The following STXBP5 variants were observed in gnomAD, a reference collection of about 807,000 sequenced individuals.
The protein encoded by STXBP5 is syntaxin-binding protein 5.
A neutral mutation model predicts 152.4 loss-of-function variants in STXBP5; 50 were observed. The ratio of observed to expected loss-of-function variants is 0.33; its 90% CI spans 0.26 to 0.42. STXBP5 has a LOEUF of 0.42. STXBP5 is among the 10% of genes least tolerant of loss of function. The pLI is 1.00. For missense variants in STXBP5, 1,167 were observed against 1,388.6 expected (o/e 0.84, Z 2.54); for synonymous variants, 492 against 494.7 (o/e 0.99, Z 0.07).
chr6:147,306,311 G>A (rs1422668112), intron 9 of STXBP5, among the ~76,000 whole-genome samples: 1 of 152,204 alleles, frequency 6.6e-6, no homozygotes, highest in East Asian at 1.9e-4. Context: ...ACAGTGAAAT[G>A]TGGTAATGCT....
At chr6:147,371,628 A>T (rs1375975934) in intron 25 of STXBP5, among the ~76,000 whole-genome samples, 1 of 152,150 alleles carries the variant, frequency 6.6e-6, no homozygotes, top group Non-Finnish European at 1.5e-5. Context: ...AGAAATTGAG[A>T]ATCAAATCCA....
intron 23 of STXBP5, among the ~76,000 whole-genome samples, chr6:147,362,780 T>C (rs1304053281): frequency 1.3e-5 from 2 of 152,358 alleles, no homozygotes; most frequent in South Asian, 2.1e-4. Flanking sequence ...CCAAATATTA[T>C]CATTTTGGCA....
intron 2 of STXBP5, among the ~76,000 whole-genome samples, chr6:147,213,211 A>T (rs755436096): frequency 1.3e-5 from 2 of 152,000 alleles, no homozygotes; most frequent in African/African-American, 4.8e-5. Context: ...TGTTGGATCA[A>T]TTTGGCTTTA....
chr6:147,284,500 AT>A (rs1206849708), intron 8 of STXBP5, among the ~76,000 whole-genome samples: 1 of 152,220 alleles, frequency 6.6e-6, no homozygotes, highest in Non-Finnish European at 1.5e-5. Context: ...AATATAATAC[AT>A]TGTGATAAGT....
In STXBP5 at chr6:147,384,725, A is replaced by G. The variant is rs373354596; in HGVS notation, c.3426A>G (p.Lys1142=). ...TTTTCCCCCTTTAGATTATGTTGAAATACAAAGATAAGAAGTGGTACCAGT... is the reference window on the plus strand; with the variant it reads ...TTTTCCCCCTTTAGATTATGTTGAAGTACAAAGATAAGAAGTGGTACCAGT... ...FSKHAHEIML[K]YKDKKWYQF The change falls in exon 28 of 28, where the codon AAA becomes AAG. Residue 1142 remains lysine, a synonymous_variant. Coordinates refer to ENST00000321680, the MANE Select transcript of STXBP5 (RefSeq NM_001127715.4). 3 of 1,612,114 alleles carry G rather than the reference A, an allele frequency of 1.9e-6. No homozygotes were observed. Among genetic ancestry groups the G allele is most frequent in the Non-Finnish European group, 2.5e-6 (3 of 1,178,966 alleles).
chr6:147,205,696 T>G (rs948617217), intron 1 of STXBP5, among the ~76,000 whole-genome samples: 1 of 152,196 alleles, frequency 6.6e-6, no homozygotes, highest in African/African-American at 2.4e-5. Context: ...TGTAGTAGTA[T>G]AGAATATTAA....
intron 2 of STXBP5, among the ~76,000 whole-genome samples, chr6:147,226,587 A>G (rs1777726765): frequency 6.6e-6 from 1 of 152,222 alleles, no homozygotes; most frequent in South Asian, 2.1e-4. Flanking sequence ...TATAATAAGC[A>G]AGGAGGGAAA....
intron 6 of STXBP5, among the ~76,000 whole-genome samples, chr6:147,265,949 G>A (rs146400990): frequency 3.9e-5 from 6 of 152,062 alleles, no homozygotes; most frequent in African/African-American, 9.6e-5. Context: ...AGCACATAGG[G>A]AGGGTATTGA....
rs796206547 is a variant in STXBP5, at chr6:147,311,198, G to A, written c.1073-257G>A. Among the ~76,000 whole-genome samples the A allele has an allele frequency of 3.2e-4, 49 of 152,192 alleles. 1 individual carries two copies. Among genetic ancestry groups the A allele is most frequent in the African/African-American group, 1.2e-3 (48 of 41,536 alleles). ...TAAATTTTAGTTTTGTTGTCCATGT[G>A]CAGCTTTGAAATTTGCAATGCCATA... is the stretch of plus-strand genomic sequence containing the variant. On this transcript the variant is annotated intron_variant, in intron 10 of 27. Transcript: ENST00000321680.
At position 147,389,700 on chromosome 6, in the gene STXBP5, TTTAC is replaced by T. The variant is rs1415625762; in HGVS notation, c.*4948_*4951del. 8.6e-5 allele frequency: 13 copies of T among 151,974 alleles called. No individual in the cohort carries two copies. The highest frequency in any genetic ancestry group is 3.1e-4 in the African/African-American group (13 of 41,440). 9.4% of individuals were successfully genotyped at this position (151,974 alleles called of 1,614,324 possible). On this transcript the variant is annotated 3_prime_UTR_variant, in exon 28 of 28. Transcript: ENST00000321680. ...AGTTGGTTTTGTTTGTTTTTGTTTA[TTTAC>T]TTTTGCTATTTGTTTTGTATTGTCT...
intron 16 of STXBP5, among the ~76,000 whole-genome samples, chr6:147,324,180 T>A (rs1199538955): frequency 6.6e-6 from 1 of 152,090 alleles, no homozygotes; most frequent in Admixed American, 6.5e-5. Flanking sequence ...CTCATATTTG[T>A]TGTAACTCAT....
chr6:147,315,627 G>A lies in STXBP5; in HGVS notation c.1515G>A (p.Gln505=), dbSNP rs756361374. 5.6e-6 allele frequency: 9 copies of A among 1,613,946 alleles called. No homozygotes were observed. The highest frequency in any genetic ancestry group is 2.2e-5 in the East Asian group (1 of 44,834). ...DIVDEDPYAI[Q]IISWCPESRM... ...TAGATGAAGATCCATATGCCATTCA[G>A]ATCATCTCCTGGTGTCCAGAAAGTA... The change falls in exon 15 of 28, where the codon CAG becomes CAA. Residue 505 remains glutamine, a synonymous_variant. Transcript: ENST00000321680.
chr6:147,272,591 A>G (rs1406695410), intron 7 of STXBP5, among the ~76,000 whole-genome samples: 1 of 152,152 alleles, frequency 6.6e-6, no homozygotes. Flanking sequence ...CTCACTAGTG[A>G]GGGTTAAAAA....
chr6:147,341,174 A>C (rs1052509393), intron 21 of STXBP5, among the ~76,000 whole-genome samples: 3 of 152,116 alleles, frequency 2.0e-5, no homozygotes, highest in Non-Finnish European at 4.4e-5. Context: ...TTTAGACTGT[A>C]AAGTTTTTTT....
At chr6:147,213,750 C>T (rs1381193790) in intron 2 of STXBP5, among the ~76,000 whole-genome samples, 1 of 151,940 alleles carries the variant, frequency 6.6e-6, no homozygotes, top group Non-Finnish European at 1.5e-5. Context: ...AGAAGGTATA[C>T]TTGGTATTTT....
chr6:147,208,319 G>A (rs1776675844), intron 2 of STXBP5, among the ~76,000 whole-genome samples: 1 of 151,982 alleles, frequency 6.6e-6, no homozygotes, highest in Admixed American at 6.6e-5. Context: ...GAGCTTATGA[G>A]CTTTATTTAT....
chr6:147,337,021 A>G (rs2128395439), intron 19 of STXBP5, among the ~76,000 whole-genome samples: 1 of 152,142 alleles, frequency 6.6e-6, no homozygotes, highest in African/African-American at 2.4e-5. Flanking sequence ...GTGGTCCCCC[A>G]ATAGAGAAAG....
chr6:147,352,971 C>T (rs1784655600), intron 21 of STXBP5, among the ~76,000 whole-genome samples: 1 of 152,044 alleles, frequency 6.6e-6, no homozygotes, highest in South Asian at 2.1e-4. Flanking sequence ...CATAGTGAGA[C>T]CCCATCTCTA....
chr6:147,280,062 A>G (rs1051919688), intron 8 of STXBP5, among the ~76,000 whole-genome samples: 3 of 117,248 alleles, frequency 2.6e-5, no homozygotes, highest in South Asian at 5.7e-4. Context: ...CAAATATTCC[A>G]TGGTCTTTTT....
Sources: allele counts gnomAD v4.1 joint callset (sites outside exome capture counted in the v4.1 genomes callset), GRCh38; gene constraint gnomAD v4.1.1; transcripts MANE v1.5; gene names NCBI Gene and HGNC (gene_info 2026-07-23, HGNC 2026-07-21).